The following SCML4 variants were observed in gnomAD, a reference collection of about 807,000 sequenced individuals.
SCML4 encodes the protein sex comb on midleg-like protein 4.
SCML4 carries 34 observed loss-of-function variants against 41.1 expected under a neutral mutation model. The observed-to-expected ratio is 0.83, with a 90% CI of 0.63 to 1.10. The LOEUF (loss-of-function observed/expected upper bound fraction) is 1.10, where lower values mean the gene tolerates loss of function less well. Ranked by LOEUF, SCML4 falls within the 50% of genes least tolerant of loss-of-function variation. SCML4 has a pLI of 0.00. For synonymous variants in SCML4, 214 were observed against 220.9 expected (o/e 0.97, Z 0.28); for missense variants, 522 against 534.1 (o/e 0.98, Z 0.22).
intron 2 of SCML4, among the ~76,000 whole-genome samples, chr6:107,767,415 A>G (rs1287952281): frequency 6.6e-6 from 1 of 152,182 alleles, no homozygotes; most frequent in African/African-American, 2.4e-5. Flanking sequence ...CTTTCTACTT[A>G]AGTTTGAATA....
chr6:107,830,752 A>G, the SCML4 span, among the ~76,000 whole-genome samples: 1 of 152,224 alleles, frequency 6.6e-6, no homozygotes, highest in Admixed American at 6.5e-5. Context: ...AAAATCATTC[A>G]TTAAAATTCA....
intron 1 of SCML4, among the ~76,000 whole-genome samples, chr6:107,797,117 T>G (rs903619644): frequency 2.6e-5 from 4 of 152,150 alleles, no homozygotes; most frequent in Admixed American, 1.3e-4. Context: ...TCTCCAACTT[T>G]ATTTTCCTTT....
At chr6:107,760,633 C>A (rs1284986600) in intron 2 of SCML4, among the ~76,000 whole-genome samples, 1 of 152,148 alleles carries the variant, frequency 6.6e-6, no homozygotes, top group Non-Finnish European at 1.5e-5. Flanking sequence ...GAAAACACAT[C>A]ATCTCTGGAG....
At chr6:107,716,024 G>A (rs1228542294) in intron 6 of SCML4, among the ~76,000 whole-genome samples, 1 of 152,192 alleles carries the variant, frequency 6.6e-6, no homozygotes, top group East Asian at 1.9e-4. Context: ...ACCCACAGCA[G>A]GCACTAGGCT....
At chr6:107,716,079 C>G (rs577813100) in intron 6 of SCML4, among the ~76,000 whole-genome samples, 10 of 152,260 alleles carry the variant, frequency 6.6e-5, no homozygotes, top group African/African-American at 2.4e-4. Flanking sequence ...GGTTTCTCTC[C>G]CACTTTAACA....
At chr6:107,759,177 A>G (rs1002811721) in intron 2 of SCML4, among the ~76,000 whole-genome samples, 2 of 151,826 alleles carry the variant, frequency 1.3e-5, no homozygotes, top group Admixed American at 6.6e-5. Context: ...CAAAACAAAA[A>G]AAAACTGGCT....
intron 6 of SCML4, among the ~76,000 whole-genome samples, chr6:107,717,553 T>G (rs1437378429): frequency 6.6e-6 from 1 of 152,066 alleles, no homozygotes; most frequent in African/African-American, 2.4e-5. Flanking sequence ...TTATTTTTAT[T>G]TATTTATTTT....
intron 6 of SCML4, among the ~76,000 whole-genome samples, chr6:107,712,809 T>G (rs1774358169): frequency 6.6e-6 from 1 of 152,140 alleles, no homozygotes; most frequent in African/African-American, 2.4e-5. Context: ...AGCGAAGGTG[T>G]CAGGAAGACA....
intron 1 of SCML4, among the ~76,000 whole-genome samples, chr6:107,778,946 C>G (rs934544627): frequency 6.6e-6 from 1 of 151,918 alleles, no homozygotes; most frequent in Admixed American, 6.6e-5. Context: ...TTTGGGAGGC[C>G]GAGGCGGGCG....
chr6:107,723,325 T>C (rs1374836678), intron 5 of SCML4, among the ~76,000 whole-genome samples: 1 of 152,188 alleles, frequency 6.6e-6, no homozygotes, highest in Non-Finnish European at 1.5e-5. Context: ...TAGCCTACAG[T>C]TGGACAAAAT....
At chr6:107,719,971 T>C in intron 6 of SCML4, 1 of 985,476 alleles carries the variant, frequency 1.0e-6, no homozygotes, top group Non-Finnish European at 1.2e-6. Context: ...CTTTAGCCCT[T>C]ATAGCGCTTT....
At chr6:107,711,590 G>C (rs1774223075) in intron 6 of SCML4, among the ~76,000 whole-genome samples, 1 of 152,170 alleles carries the variant, frequency 6.6e-6, no homozygotes, top group South Asian at 2.1e-4. Context: ...ATCCCATTGA[G>C]TGATGCATGA....
intron 2 of SCML4, among the ~76,000 whole-genome samples, chr6:107,758,328 G>C (rs9373972): frequency 0.15 from 22,215 of 152,202 alleles, 1,942 homozygotes; most frequent in Middle Eastern, 0.2. Flanking sequence ...CTAAAGCTTG[G>C]CTTCTTCAAG....
At chr6:107,835,697 G>A in the SCML4 span, among the ~76,000 whole-genome samples, 2 of 145,432 alleles carry the variant, frequency 1.4e-5, no homozygotes, top group African/African-American at 5.1e-5. Flanking sequence ...CCAGGAAGTC[G>A]AGGCTGCAGT....
chr6:107,808,666 CAG>C (rs1199609742), intron 1 of SCML4, among the ~76,000 whole-genome samples: 1 of 152,156 alleles, frequency 6.6e-6, no homozygotes, highest in Admixed American at 6.5e-5. Context: ...GGGAAAAACA[CAG>C]AGGCTTTGAG....
At position 107,720,728 on chromosome 6, in the gene SCML4, C is replaced by A; in HGVS notation, c.948G>T (p.Thr316=). 1 of 1,576,148 alleles carries A rather than the reference C, an allele frequency of 6.3e-7. No homozygotes were observed. The highest frequency in any genetic ancestry group is 1.2e-5 in the South Asian group (1 of 85,224). Reference sequence around the variant, plus strand: ...CACATCTGTTTCCTTCAAGAGAGGTCGTGTTTCTCTTGGGGCTGGAGGCTG... The same window carrying A: ...CACATCTGTTTCCTTCAAGAGAGGTAGTGTTTCTCTTGGGGCTGGAGGCTG... ...RPPASSPKRN[T]TSLEGNRCAS... is the part of the protein sequence containing the mutation. The change falls in exon 6 of 8, where the codon ACG becomes ACT. Residue 316 remains threonine, a synonymous_variant. Coordinates refer to ENST00000369020, the MANE Select transcript of SCML4 (RefSeq NM_198081.5).
chr6:107,733,978 G>A (rs1776809293), intron 5 of SCML4, among the ~76,000 whole-genome samples: 1 of 152,210 alleles, frequency 6.6e-6, no homozygotes. Flanking sequence ...GAGAATCGAG[G>A]AGTGGGGGCG....
intron 1 of SCML4, among the ~76,000 whole-genome samples, chr6:107,807,168 G>A (rs780174926): frequency 6.6e-6 from 1 of 151,394 alleles, no homozygotes; most frequent in South Asian, 2.1e-4. Flanking sequence ...TAAGCCAGAT[G>A]ATGAAAAGGT....
At chr6:107,740,378 A>G (rs1052802385) in intron 5 of SCML4, among the ~76,000 whole-genome samples, 1 of 152,212 alleles carries the variant, frequency 6.6e-6, no homozygotes, top group East Asian at 1.9e-4. Context: ...GAAATTTTGG[A>G]GAAAATGATC....
Sources: gnomAD v4.1 joint callset for allele counts (sites outside exome capture counted in the v4.1 genomes callset) on GRCh38, gnomAD v4.1.1 for gene constraint, MANE v1.5 for transcripts, NCBI Gene and HGNC (gene_info 2026-07-23, HGNC 2026-07-21) for gene names.